Variants in KCNN2 observed in about 807,000 individuals in gnomAD.
KCNN2 encodes the protein potassium calcium-activated channel subfamily N member 2.
Under a neutral mutation model 55.5 loss-of-function variants are expected in KCNN2, and 24 were observed. The ratio of observed to expected loss-of-function variants is 0.43; its 90% CI spans 0.31 to 0.61. KCNN2 has a LOEUF of 0.61. KCNN2 is among the 20% of genes least tolerant of loss of function. The pLI is 0.08. For synonymous variants in KCNN2, 431 were observed against 336.1 expected (o/e 1.28, Z -3.09); for missense variants, 754 against 853.6 (o/e 0.88, Z 1.45).
chr5:114,122,950 C>A (rs527459445), intron 1 of KCNN2, among the ~76,000 whole-genome samples: 4 of 152,130 alleles, frequency 2.6e-5, no homozygotes, highest in Non-Finnish European at 5.9e-5. Flanking sequence ...GTTAGGAACA[C>A]AGAGATTTAG....
chr5:114,370,783 A>G (rs1356797157), intron 2 of KCNN2, among the ~76,000 whole-genome samples: 2 of 152,082 alleles, frequency 1.3e-5, no homozygotes, highest in African/African-American at 4.8e-5. Context: ...CTGATTTTCA[A>G]GGACTTGAGA....
At chr5:114,472,041 A>G (rs566700202) in intron 4 of KCNN2, among the ~76,000 whole-genome samples, 12 of 152,254 alleles carry the variant, frequency 7.9e-5, no homozygotes, top group African/African-American at 2.9e-4. Flanking sequence ...TAGCTGGGCA[A>G]TGTCTATGGT....
At chr5:114,447,128 A>G (rs963546887) in intron 3 of KCNN2, among the ~76,000 whole-genome samples, 22 of 152,188 alleles carry the variant, frequency 1.4e-4, no homozygotes, top group African/African-American at 5.3e-4. Context: ...CTTCCAGGTC[A>G]GATATTTCCT....
intron 1 of KCNN2, among the ~76,000 whole-genome samples, chr5:114,073,555 C>T (rs930129740): frequency 6.6e-6 from 1 of 152,052 alleles, no homozygotes; most frequent in Non-Finnish European, 1.5e-5. Context: ...CTGAATGATG[C>T]CTAAATCTAT....
chr5:114,368,992 T>G (rs1757686218), intron 2 of KCNN2, among the ~76,000 whole-genome samples: 2 of 152,144 alleles, frequency 1.3e-5, no homozygotes, highest in African/African-American at 2.4e-5. Flanking sequence ...TTACAAGTAA[T>G]ATTAAAATGA....
chr5:114,157,700 G>T (rs1471830437), intron 1 of KCNN2, among the ~76,000 whole-genome samples: 15 of 152,114 alleles, frequency 9.9e-5, no homozygotes, highest in African/African-American at 3.6e-4. Context: ...TCACCATTCT[G>T]ACTGGTGTGA....
At chr5:114,366,515 A>C (rs1757606934) in intron 2 of KCNN2, among the ~76,000 whole-genome samples, 2 of 152,184 alleles carry the variant, frequency 1.3e-5, no homozygotes, top group South Asian at 4.1e-4. Context: ...AAAATAAATA[A>C]ATAAAATGGA....
intron 2 of KCNN2, among the ~76,000 whole-genome samples, chr5:114,313,100 C>T (rs975578418): frequency 1.3e-5 from 2 of 152,122 alleles, no homozygotes; most frequent in African/African-American, 2.4e-5. Flanking sequence ...CTCCCACTTA[C>T]ATGGCTCCTG....
chr5:114,266,603 G>C (rs556266151), intron 2 of KCNN2, among the ~76,000 whole-genome samples: 1 of 152,244 alleles, frequency 6.6e-6, no homozygotes, highest in Admixed American at 6.5e-5. Context: ...TTCCTGCTCT[G>C]CATTACTCAC....
intron 2 of KCNN2, among the ~76,000 whole-genome samples, chr5:114,372,807 C>G (rs1163029889): frequency 6.6e-6 from 1 of 151,694 alleles, no homozygotes; most frequent in East Asian, 1.9e-4. Context: ...ATTGTTTTTC[C>G]TCATGTTTAA....
chr5:114,451,642 A>G (rs750210088), intron 3 of KCNN2, among the ~76,000 whole-genome samples: 3 of 152,192 alleles, frequency 2.0e-5, no homozygotes, highest in South Asian at 2.1e-4. Context: ...CAAGCCTGTA[A>G]TCCCAGCACT....
intron 2 of KCNN2, among the ~76,000 whole-genome samples, chr5:114,390,561 C>G (rs1758423239): frequency 1.3e-5 from 2 of 152,088 alleles, no homozygotes; most frequent in Non-Finnish European, 2.9e-5. Flanking sequence ...TCCTTGTAGT[C>G]CTATGACCAG....
intron 5 of KCNN2, among the ~76,000 whole-genome samples, chr5:114,478,502 C>T (rs958866827): frequency 5.9e-5 from 9 of 151,898 alleles, no homozygotes; most frequent in Admixed American, 2.0e-4. Context: ...AGAATTTCCT[C>T]AGCCTAGCAA....
intron 1 of KCNN2, among the ~76,000 whole-genome samples, chr5:114,062,412 A>G (rs1750351945): frequency 6.6e-6 from 1 of 152,174 alleles, no homozygotes; most frequent in Non-Finnish European, 1.5e-5. Context: ...AACTTTGATT[A>G]TATTGTCTTA....
chr5:114,181,013 T>C (rs1451789367), intron 1 of KCNN2, among the ~76,000 whole-genome samples: 1 of 152,236 alleles, frequency 6.6e-6, no homozygotes, highest in Non-Finnish European at 1.5e-5. Flanking sequence ...TGTATATTTA[T>C]GTTTATCTAA....
At chr5:114,372,951 A>C (rs1757805856) in intron 2 of KCNN2, among the ~76,000 whole-genome samples, 2 of 152,178 alleles carry the variant, frequency 1.3e-5, no homozygotes, top group Admixed American at 1.3e-4. Flanking sequence ...ATACCCTTGC[A>C]CATTAACTTT....
chr5:114,157,927 C>A (rs1380713793), intron 1 of KCNN2, among the ~76,000 whole-genome samples: 2 of 151,292 alleles, frequency 1.3e-5, no homozygotes, highest in Admixed American at 6.6e-5. Flanking sequence ...GAGTAGATTG[C>A]AAAAATTTTC....
At chr5:114,466,582 A>G (rs973225296) in intron 4 of KCNN2, among the ~76,000 whole-genome samples, 5 of 152,114 alleles carry the variant, frequency 3.3e-5, no homozygotes, top group Admixed American at 6.6e-5. Context: ...GGGTAAGGGT[A>G]TCTTTCATCT....
intron 3 of KCNN2, among the ~76,000 whole-genome samples, chr5:114,425,773 G>A (rs767276217): frequency 9.9e-4 from 150 of 152,112 alleles, no homozygotes; most frequent in Non-Finnish European, 1.9e-3. Context: ...TCATTATTAA[G>A]GGAAAATAGA....
Sources: gnomAD v4.1 joint callset for allele counts (sites outside exome capture counted in the v4.1 genomes callset) on GRCh38, gnomAD v4.1.1 for gene constraint, MANE v1.5 for transcripts, NCBI Gene and HGNC (gene_info 2026-07-23, HGNC 2026-07-21) for gene names.